Variants in EYS observed in about 807,000 individuals in gnomAD.
EYS encodes the protein protein eyes shut homolog.
Under a neutral mutation model 282.1 loss-of-function variants are expected in EYS, and 250 were observed. That is an observed-to-expected ratio of 0.89 (90% confidence interval 0.80 to 0.98). The LOEUF is 0.98. Ranked by LOEUF, EYS falls within the 50% of genes least tolerant of loss-of-function variation. EYS has a pLI of 0.00. For missense variants in EYS, 4,016 were observed against 3,709.0 expected (o/e 1.08, Z -2.15); for synonymous variants, 1,355 against 1,282.9 (o/e 1.06, Z -1.20).
At chr6:63,896,699 C>T (rs182972624) in intron 35 of EYS, among the ~76,000 whole-genome samples, 75 of 152,352 alleles carry the variant, frequency 4.9e-4, no homozygotes, top group Admixed American at 2.1e-3. Flanking sequence ...ATTCTCTGTG[C>T]TCTGCCTATT....
At chr6:64,426,771 C>A (rs753395710) in intron 28 of EYS, among the ~76,000 whole-genome samples, 5 of 152,056 alleles carry the variant, frequency 3.3e-5, no homozygotes, top group Non-Finnish European at 5.9e-5. Context: ...CCATTCTGTT[C>A]TAAACTTCTA....
intron 2 of EYS, among the ~76,000 whole-genome samples, chr6:65,634,010 T>G (rs750242134): frequency 6.6e-6 from 1 of 152,234 alleles, no homozygotes; most frequent in Non-Finnish European, 1.5e-5. Context: ...CAGCTATTCT[T>G]TCAGAAACTA....
intron 35 of EYS, among the ~76,000 whole-genome samples, chr6:63,973,754 T>C (rs904617693): frequency 4.6e-5 from 7 of 152,300 alleles, no homozygotes; most frequent in Admixed American, 1.3e-4. Flanking sequence ...ATGACTGCAT[T>C]TTACTGTCAG....
rs138514484 is a variant in EYS at position 65,311,502 on chromosome 6, C to T, written c.1767-15383G>A. On this transcript the variant is annotated intron_variant, in intron 11 of 42. Transcript: ENST00000503581. ...GAATATTGTGTTCCCAATAATGCTG[C>T]CTATTTACAAAAGCAGAGTTTCCAT... Among the ~76,000 whole-genome samples, 1,322 of 152,132 alleles carry T rather than the reference C, an allele frequency of 8.7e-3. 21 individuals are homozygous for T. The highest frequency in any genetic ancestry group is 0.03 in the African/African-American group (1,242 of 41,498).
intron 33 of EYS, among the ~76,000 whole-genome samples, chr6:64,052,311 A>C (rs1770834358): frequency 6.6e-6 from 1 of 152,314 alleles, no homozygotes; most frequent in Admixed American, 6.5e-5. Flanking sequence ...AGCAACTCAC[A>C]TGTGGTATTT....
chr6:65,692,117 T>A (rs753501129), intron 1 of EYS, among the ~76,000 whole-genome samples: 3 of 150,316 alleles, frequency 2.0e-5, no homozygotes, highest in African/African-American at 7.3e-5. Flanking sequence ...TAAAATTATG[T>A]CTTTTAGGTG....
At chr6:63,736,488 AG>A in intron 41 of EYS, among the ~76,000 whole-genome samples, 1 of 152,202 alleles carries the variant, frequency 6.6e-6, no homozygotes, top group Admixed American at 6.5e-5. Context: ...TGGTTACTGT[AG>A]CCTTGTAGTA....
intron 1 of EYS, among the ~76,000 whole-genome samples, chr6:65,640,845 ATT>A (rs1189635083): frequency 9.9e-5 from 15 of 151,620 alleles, no homozygotes; most frequent in African/African-American, 3.6e-4. Context: ...GACTCTATGG[ATT>A]TCTGTCATTG....
At chr6:65,473,058 C>A (rs1252144060) in intron 5 of EYS, among the ~76,000 whole-genome samples, 3 of 151,684 alleles carry the variant, frequency 2.0e-5, no homozygotes, top group Non-Finnish European at 2.9e-5. Context: ...AAATATATAG[C>A]AAATAATGAA....
At chr6:64,998,918 A>G (rs1024110564) in intron 13 of EYS, among the ~76,000 whole-genome samples, 3 of 152,250 alleles carry the variant, frequency 2.0e-5, no homozygotes, top group African/African-American at 7.2e-5. Context: ...ACTGACAAGT[A>G]ACAACTGGAG....
chr6:64,213,327 T>C (rs1209556620), intron 31 of EYS, among the ~76,000 whole-genome samples: 1 of 152,132 alleles, frequency 6.6e-6, no homozygotes, highest in Non-Finnish European at 1.5e-5. Context: ...CTCTATAATC[T>C]GAGTCATGAG....
chr6:65,321,041 G>A (rs1364344058), intron 11 of EYS, among the ~76,000 whole-genome samples: 2 of 152,074 alleles, frequency 1.3e-5, no homozygotes, highest in Non-Finnish European at 2.9e-5. Context: ...TATACTAAAC[G>A]CTAAACATTG....
intron 28 of EYS, among the ~76,000 whole-genome samples, chr6:64,389,978 G>C (rs1313467468): frequency 2.7e-5 from 4 of 150,278 alleles, no homozygotes; most frequent in African/African-American, 4.9e-5. Flanking sequence ...AAGGGGTCAG[G>C]GAGTTCCCTT....
At chr6:64,289,563 T>C (rs773649599) in intron 30 of EYS, among the ~76,000 whole-genome samples, 31 of 152,168 alleles carry the variant, frequency 2.0e-4, no homozygotes, top group Admixed American at 5.9e-4. Context: ...CAGTTTCTGA[T>C]TCTGTTATGC....
At chr6:64,166,693 T>C (rs182654923) in intron 31 of EYS, among the ~76,000 whole-genome samples, 1 of 152,306 alleles carries the variant, frequency 6.6e-6, no homozygotes, top group East Asian at 1.9e-4. Flanking sequence ...ACATGATCAA[T>C]AGCACCAAAG....
At chr6:65,591,805 A>G (rs1291058267) in intron 2 of EYS, among the ~76,000 whole-genome samples, 6 of 151,964 alleles carry the variant, frequency 3.9e-5, no homozygotes. Context: ...CATAATTTGC[A>G]TTCTTAACTC....
intron 13 of EYS, among the ~76,000 whole-genome samples, chr6:65,001,590 C>T (rs1771469469): frequency 6.8e-6 from 1 of 147,862 alleles, no homozygotes; most frequent in Non-Finnish European, 1.5e-5. Context: ...ACAGGAATGC[C>T]TGTTCTCATT....
At chr6:64,388,418 A>G (rs550973179) in intron 29 of EYS, among the ~76,000 whole-genome samples, 185 of 152,304 alleles carry the variant, frequency 1.2e-3, no homozygotes, top group Non-Finnish European at 1.4e-3. Flanking sequence ...AATAGTATTG[A>G]GAAATGTAAT....
At chr6:65,086,283 T>C (rs952881454) in intron 12 of EYS, among the ~76,000 whole-genome samples, 1 of 151,988 alleles carries the variant, frequency 6.6e-6, no homozygotes, top group Admixed American at 6.6e-5. Context: ...GCCATTGCAC[T>C]CCAGCCTAAG....
Sources: allele counts gnomAD v4.1 joint callset (sites outside exome capture counted in the v4.1 genomes callset), GRCh38; gene constraint gnomAD v4.1.1; transcripts MANE v1.5; gene names NCBI Gene and HGNC (gene_info 2026-07-23, HGNC 2026-07-21).